Variants in ZDHHC14 observed in about 807,000 individuals in gnomAD.
ZDHHC14 encodes the protein palmitoyltransferase ZDHHC14.
In ZDHHC14, 16 loss-of-function variants were observed where a neutral mutation model predicts 47.7. The ratio of observed to expected loss-of-function variants is 0.34; its 90% CI spans 0.23 to 0.51. ZDHHC14 has a LOEUF of 0.51. ZDHHC14 is among the 20% of genes least tolerant of loss of function. The probability of loss-of-function intolerance (pLI) is 0.97; values close to 1 mark genes in which losing one functional copy is unlikely to be tolerated. For missense variants in ZDHHC14, 515 were observed against 662.5 expected (o/e 0.78, Z 2.44); for synonymous variants, 293 against 278.9 (o/e 1.05, Z -0.50).
chr6:157,453,788 T>TTTTTTTTTTTTTTTTTTGTGTG (rs3220439), intron 1 of ZDHHC14, among the ~76,000 whole-genome samples: 1 of 148,098 alleles, frequency 6.8e-6, no homozygotes, highest in African/African-American at 2.5e-5. Flanking sequence ...TTTTTGTGTT[T>TTTTTTTTTTTTTTTTTTGTGTG]TGTGTGTGTG....
chr6:157,409,010 A>G (rs531964142), intron 1 of ZDHHC14, among the ~76,000 whole-genome samples: 7 of 152,286 alleles, frequency 4.6e-5, no homozygotes, highest in African/African-American at 1.7e-4. Flanking sequence ...AAAAGAAAAG[A>G]AGGAGGGGCA....
At chr6:157,399,263 A>G (rs1011100936) in intron 1 of ZDHHC14, among the ~76,000 whole-genome samples, 1 of 152,156 alleles carries the variant, frequency 6.6e-6, no homozygotes, top group Admixed American at 6.5e-5. Context: ...GTATGATTGC[A>G]TGCATAAGTA....
chr6:157,514,676 G>C (rs1184382259), intron 1 of ZDHHC14, among the ~76,000 whole-genome samples: 1 of 152,234 alleles, frequency 6.6e-6, no homozygotes, highest in Non-Finnish European at 1.5e-5. Context: ...TCCGGTTGTT[G>C]TTTGAGCCCT....
chr6:157,424,781 C>T lies in ZDHHC14; in HGVS notation c.245+42515C>T, dbSNP rs186540057. Among the ~76,000 whole-genome samples the T allele has an allele frequency of 1.1e-4, 16 of 152,256 alleles. 1 individual carries two copies. Among genetic ancestry groups the T allele is most frequent in the Admixed American group, 8.5e-4 (13 of 15,300 alleles). On this transcript the variant is annotated intron_variant, in intron 1 of 8. Transcript: ENST00000359775. Reference sequence around the variant, plus strand: ...TTCTCACCTCCCCTATCCAATCAATCACAACGGCCTGGGAATTTCTCCATA... The same window carrying T: ...TTCTCACCTCCCCTATCCAATCAATTACAACGGCCTGGGAATTTCTCCATA...
intron 1 of ZDHHC14, among the ~76,000 whole-genome samples, chr6:157,449,026 G>A (rs1171007253): frequency 2.0e-5 from 3 of 152,224 alleles, no homozygotes; most frequent in South Asian, 4.1e-4. Flanking sequence ...AGGCCAGGCC[G>A]AGAGTGAAGG....
chr6:157,475,985 T>C (rs1417015177), intron 1 of ZDHHC14, among the ~76,000 whole-genome samples: 1 of 151,886 alleles, frequency 6.6e-6, no homozygotes, highest in Non-Finnish European at 1.5e-5. Context: ...TAGCAACAAA[T>C]ACTTGCATCA....
intron 2 of ZDHHC14, among the ~76,000 whole-genome samples, chr6:157,566,581 G>C (rs1782910072): frequency 6.6e-6 from 1 of 152,184 alleles, no homozygotes. Flanking sequence ...TTTCAGGGTA[G>C]GTCCGAATGA....
intron 1 of ZDHHC14, among the ~76,000 whole-genome samples, chr6:157,434,218 T>TTATATATATATATA (rs373321908): frequency 0.011 from 1,676 of 146,480 alleles, 11 homozygotes; most frequent in East Asian, 0.025. Context: ...GCTTATAATT[T>TTATATATATATATA]TATATATATA....
intron 1 of ZDHHC14, among the ~76,000 whole-genome samples, chr6:157,455,557 T>C (rs999303930): frequency 1.3e-5 from 2 of 152,184 alleles, no homozygotes; most frequent in Non-Finnish European, 2.9e-5. Flanking sequence ...GCCGCCGGCC[T>C]TTGTGCTTGC....
intron 1 of ZDHHC14, among the ~76,000 whole-genome samples, chr6:157,464,580 G>A (rs1200841394): frequency 5.9e-5 from 9 of 152,178 alleles, no homozygotes; most frequent in Admixed American, 5.9e-4. Flanking sequence ...GAATGTATGG[G>A]AAGCTATCAT....
chr6:157,525,154 T>A (rs1253319735), intron 1 of ZDHHC14, among the ~76,000 whole-genome samples: 1 of 151,726 alleles, frequency 6.6e-6, no homozygotes, highest in African/African-American at 2.4e-5. Flanking sequence ...GGGCTGGGAT[T>A]TTGTTTTTTG....
At chr6:157,559,519 G>A (rs1160623890) in intron 2 of ZDHHC14, among the ~76,000 whole-genome samples, 1 of 152,230 alleles carries the variant, frequency 6.6e-6, no homozygotes, top group Non-Finnish European at 1.5e-5. Flanking sequence ...GCTCAAGCTG[G>A]AACTGCCCTC....
intron 1 of ZDHHC14, among the ~76,000 whole-genome samples, chr6:157,481,833 TCTAC>T (rs1272176291): frequency 6.6e-6 from 1 of 152,154 alleles, no homozygotes; most frequent in Non-Finnish European, 1.5e-5. Context: ...TATCTATCTG[TCTAC>T]CTACCTACCT....
intron 2 of ZDHHC14, among the ~76,000 whole-genome samples, chr6:157,576,978 C>T (rs1783332432): frequency 1.3e-5 from 2 of 152,140 alleles, no homozygotes; most frequent in Admixed American, 6.5e-5. Context: ...CCAGGTACTA[C>T]CCCACAGGTA....
In ZDHHC14 at chr6:157,382,017, CGTG is replaced by C; in HGVS notation, c.-3_-1del. Reference sequence around the variant, plus strand: ...GTGTGCGCCCCCAGCCGGCTGCCCTCGTGGATGCCTCCCGGCGGCGGCGGGCCC... The same window carrying C: ...GTGTGCGCCCCCAGCCGGCTGCCCTCGATGCCTCCCGGCGGCGGCGGGCCC... On this transcript the variant is annotated 5_prime_UTR_variant, in exon 1 of 9. Coordinates refer to ENST00000359775, the MANE Select transcript of ZDHHC14 (RefSeq NM_024630.3). The C allele has an allele frequency of 6.7e-7, 1 of 1,490,586 alleles. No individual in the cohort carries two copies. The highest frequency in any genetic ancestry group is 2.7e-5 in the East Asian group (1 of 36,736). The allele number at this position is 1,490,586 out of a possible 1,614,324, so 92.3% of individuals were successfully genotyped here. A position where few individuals can be genotyped will look rare whatever the true frequency, so the allele number is the denominator to read the frequency against.
At chr6:157,470,276 A>G (rs1779323803) in intron 1 of ZDHHC14, among the ~76,000 whole-genome samples, 2 of 152,246 alleles carry the variant, frequency 1.3e-5, no homozygotes, top group African/African-American at 4.8e-5. Flanking sequence ...TTAAATGTCC[A>G]AAAACAGGAG....
At chr6:157,395,222 A>G (rs954999579) in intron 1 of ZDHHC14, among the ~76,000 whole-genome samples, 2 of 151,398 alleles carry the variant, frequency 1.3e-5, no homozygotes, top group African/African-American at 4.9e-5. Context: ...ATGTAGTGGC[A>G]TGATCATAGC....
chr6:157,391,486 C>T (rs1317219928), intron 1 of ZDHHC14, among the ~76,000 whole-genome samples: 1 of 152,172 alleles, frequency 6.6e-6, no homozygotes, highest in East Asian at 1.9e-4. Flanking sequence ...TCCTGCCCTA[C>T]CCCCAGCCTT....
At chr6:157,481,079 T>C (rs1378030376) in intron 1 of ZDHHC14, among the ~76,000 whole-genome samples, 1 of 152,240 alleles carries the variant, frequency 6.6e-6, no homozygotes, top group Non-Finnish European at 1.5e-5. Context: ...TATTTTAGCC[T>C]GGAGCTAACC....
Sources: gnomAD v4.1 joint callset for allele counts (sites outside exome capture counted in the v4.1 genomes callset) on GRCh38, gnomAD v4.1.1 for gene constraint, MANE v1.5 for transcripts, NCBI Gene and HGNC (gene_info 2026-07-23, HGNC 2026-07-21) for gene names.